PCDHA5: variants seen among roughly 807,000 people sequenced by gnomAD.
PCDHA5 encodes the protein protocadherin alpha-5.
PCDHA5 carries 43 observed loss-of-function variants against 61.6 expected under a neutral mutation model. That is an observed-to-expected ratio of 0.70 (90% confidence interval 0.55 to 0.90). PCDHA5 has a LOEUF of 0.90. PCDHA5 is among the 40% of genes least tolerant of loss of function. The pLI is 0.00. For synonymous variants in PCDHA5, 627 were observed against 543.9 expected (o/e 1.15, Z -2.13); for missense variants, 1,298 against 1,222.7 (o/e 1.06, Z -0.92).
chr5:140,895,315 A>C (rs541841623), intron 1 of PCDHA5, among the ~76,000 whole-genome samples: 2 of 152,036 alleles, frequency 1.3e-5, no homozygotes, highest in East Asian at 1.9e-4. Flanking sequence ...TCCACCCATG[A>C]CTATTGTTCT....
rs782513302 is a variant in PCDHA5 at position 140,857,057 on chromosome 5, GTGGAACTAC to G, written c.2352+32935_2352+32943del. The stretch of plus-strand genomic sequence containing the variant: ...TATGGTTGGTCACTGCACGGTCCTA[GTGGAACTAC>G]TGGATGAAAATGATAATTCACCTGA... On this transcript the variant is annotated intron_variant, in intron 1 of 3. Coordinates refer to ENST00000529859, the MANE Select transcript of PCDHA5 (RefSeq NM_018908.3). 670 of 1,596,188 alleles carry G rather than the reference GTGGAACTAC, an allele frequency of 4.2e-4. 48 individuals are homozygous for G. The highest frequency in any genetic ancestry group is 2.0e-3 in the Middle Eastern group (12 of 5,996).
intron 1 of PCDHA5, chr5:140,929,415 C>A: frequency 6.6e-7 from 1 of 1,504,268 alleles, no homozygotes; most frequent in Non-Finnish European, 8.9e-7. Context: ...CCTTTCACAA[C>A]ATTTCATCAA....
At chr5:140,968,480 A>G in intron 1 of PCDHA5, 1 of 1,614,140 alleles carries the variant, frequency 6.2e-7, no homozygotes. Flanking sequence ...TGTGGTGGAC[A>G]TGAATGACCA....
chr5:140,851,022 T>C, intron 1 of PCDHA5: 1 of 1,428,366 alleles, frequency 7.0e-7, no homozygotes, highest in Non-Finnish European at 9.2e-7. Context: ...TCTGATAAAG[T>C]AAACCCCTTA....
At chr5:140,884,388 T>C in intron 1 of PCDHA5, 1 of 1,613,960 alleles carries the variant, frequency 6.2e-7, no homozygotes, top group Non-Finnish European at 8.5e-7. Flanking sequence ...ATCTGCGCGG[T>C]GTCCAGCCTG....
intron 1 of PCDHA5, among the ~76,000 whole-genome samples, chr5:140,838,401 G>A (rs1214374292): frequency 2.6e-5 from 4 of 151,340 alleles, no homozygotes; most frequent in African/African-American, 9.8e-5. Flanking sequence ...TGGGATTACA[G>A]GAGTGAGCCA....
chr5:140,936,151 C>T (rs947807537), intron 1 of PCDHA5, among the ~76,000 whole-genome samples: 66 of 152,246 alleles, frequency 4.3e-4, no homozygotes, highest in African/African-American at 1.5e-3. Context: ...CCTTGGCCTC[C>T]TAAAGTGCTG....
At chr5:140,856,541 G>GCATT in intron 1 of PCDHA5, 4 of 1,598,164 alleles carry the variant, frequency 2.5e-6, no homozygotes, top group Non-Finnish European at 3.4e-6. Flanking sequence ...TGGAGAGAAC[G>GCATT]CATTGCTTAC....
intron 1 of PCDHA5, among the ~76,000 whole-genome samples, chr5:140,909,595 A>G (rs1336934015): frequency 6.6e-6 from 1 of 151,976 alleles, no homozygotes; most frequent in Non-Finnish European, 1.5e-5. Context: ...TTGATTTACT[A>G]TTTTTCTAGG....
At chr5:140,924,697 C>A (rs1443260109) in intron 1 of PCDHA5, among the ~76,000 whole-genome samples, 5 of 151,946 alleles carry the variant, frequency 3.3e-5, no homozygotes, top group Admixed American at 2.6e-4. Context: ...GAGTTCGAGA[C>A]CAGCTTGTGC....
At chr5:140,836,094 G>T (rs150822529) in intron 1 of PCDHA5, 1 of 1,613,590 alleles carries the variant, frequency 6.2e-7, no homozygotes, top group Non-Finnish European at 8.5e-7. Flanking sequence ...GCCTCGGGTG[G>T]GTGGCACTGG....
At chr5:140,991,984 C>T (rs1393451773) in intron 3 of PCDHA5, among the ~76,000 whole-genome samples, 1 of 151,632 alleles carries the variant, frequency 6.6e-6, no homozygotes, top group Non-Finnish European at 1.5e-5. Context: ...TTCTGCCTAC[C>T]ACCCGGTCTT....
Position 140,848,739 on chromosome 5 carries a change from G to A in PCDHA5, c.2352+24612G>A. On this transcript the variant is annotated intron_variant, in intron 1 of 3. Coordinates refer to ENST00000529859, the MANE Select transcript of PCDHA5 (RefSeq NM_018908.3). The stretch of plus-strand genomic sequence containing the variant: ...CCTTCTGGAGGTAAATCTGCAGAAT[G>A]GCATTTTGTTTGTGAATTCTCGGAT... The A allele has an allele frequency of 6.9e-6, 11 of 1,593,092 alleles. 1 individual carries two copies. The highest frequency in any genetic ancestry group is 9.5e-6 in the Non-Finnish European group (11 of 1,163,752).
chr5:140,967,460 G>C, intron 1 of PCDHA5: 1 of 1,613,538 alleles, frequency 6.2e-7, no homozygotes, highest in African/African-American at 1.3e-5. Context: ...AGCCGTGGAT[G>C]GGGGCATCCC....
intron 1 of PCDHA5, chr5:140,966,926 C>G (rs782811757): frequency 1.9e-6 from 3 of 1,603,462 alleles, no homozygotes; most frequent in Admixed American, 1.7e-5. Flanking sequence ...GGAGCAGGCA[C>G]CCGGCGCGCT....
At chr5:140,848,429 G>T (rs1781516011) in intron 1 of PCDHA5, 1 of 1,456,608 alleles carries the variant, frequency 6.9e-7, no homozygotes, top group Admixed American at 1.9e-5. Flanking sequence ...TGGGACTGAC[G>T]AAATCAGATG....
At chr5:140,999,894 G>A (rs1260070986) in intron 3 of PCDHA5, among the ~76,000 whole-genome samples, 3 of 152,096 alleles carry the variant, frequency 2.0e-5, no homozygotes, top group African/African-American at 7.2e-5. Flanking sequence ...TGTAGCTTGG[G>A]ACACCAAACA....
At chr5:140,994,704 C>CA (rs1294993555) in intron 3 of PCDHA5, among the ~76,000 whole-genome samples, 3 of 150,616 alleles carry the variant, frequency 2.0e-5, no homozygotes, top group African/African-American at 4.9e-5. Flanking sequence ...GACCCTGTCT[C>CA]AAAAAAAAAT....
In PCDHA5 at chr5:140,877,367, G is replaced by C. The variant is rs201967192; in HGVS notation, c.2352+53240G>C. On this transcript the variant is annotated intron_variant, in intron 1 of 3. Transcript: ENST00000529859. ...GTGGGGCTGTACACTGGCGAGATCA[G>C]CACGACACGCATCCTGGATGAGGCG... is the stretch of plus-strand genomic sequence containing the variant. 1.0e-4 allele frequency: 167 copies of C among 1,614,018 alleles called. No homozygotes were observed. The highest frequency in any genetic ancestry group is 4.9e-4 in the Middle Eastern group (3 of 6,062).
Sources: gnomAD v4.1 joint callset for allele counts (sites outside exome capture counted in the v4.1 genomes callset) on GRCh38, gnomAD v4.1.1 for gene constraint, MANE v1.5 for transcripts, NCBI Gene and HGNC (gene_info 2026-07-23, HGNC 2026-07-21) for gene names.